The following MGAM2 variants were observed in gnomAD, a reference collection of about 807,000 sequenced individuals.
MGAM2 encodes maltase-glucoamylase 2 (putative), also known as probable maltase-glucoamylase 2.
A neutral mutation model predicts 96.1 loss-of-function variants in MGAM2; 98 were observed. The observed-to-expected ratio is 1.02, with a 90% confidence interval of 0.87 to 1.21. The LOEUF (loss-of-function observed/expected upper bound fraction) is 1.21. Among genes scored for constraint, MGAM2 ranks in the 50% most tolerant of loss-of-function variants. The probability of loss-of-function intolerance (pLI) is 0.00; values close to 1 mark genes in which losing one functional copy is unlikely to be tolerated. For synonymous variants in MGAM2, 749 were observed against 414.8 expected (o/e 1.81, Z -9.79); for missense variants, 2,055 against 1,182.4 (o/e 1.74, Z -10.82).
intron 37 of MGAM2, among the ~76,000 whole-genome samples, chr7:142,189,781 A>G (rs1170640937): frequency 1.3e-5 from 2 of 152,246 alleles, no homozygotes; most frequent in Non-Finnish European, 2.9e-5. Context: ...TCAGAACTCG[A>G]AAAGGAAAAC....
In MGAM2 at chr7:142,220,119, A is replaced by G. The variant is rs778394666; in HGVS notation, c.5608A>G (p.Ser1870Gly). The G allele has an allele frequency of 1.4e-5, 10 of 702,680 alleles. No homozygotes were observed. The highest frequency in any genetic ancestry group is 2.1e-5 in the Non-Finnish European group (8 of 384,924). The allele number at this position is 702,680 out of a possible 1,614,324, so 43.5% of individuals were successfully genotyped here. A position where few individuals can be genotyped will look rare whatever the true frequency, so the allele number is the denominator to read the frequency against. The change falls in exon 48 of 48, where the codon AGT (serine) becomes GGT (glycine). Residue 1870 changes from serine (S) to glycine (G), a missense_variant. Physicochemically the swap from Ser to Gly is moderately conservative, Grantham distance 56. Coordinates refer to ENST00000477922, the MANE Select transcript of MGAM2 (RefSeq NM_001293626.2). ...AACCACATCTTTCCCAAGTACTACT[A>G]GTGTTACAACTAATACTACTGTTCC... ...ITTTSFPSTT[S>G]VTTNTTVPDT...
intron 7 of MGAM2, among the ~76,000 whole-genome samples, chr7:142,134,882 C>G (rs11982374): frequency 0.29 from 44,417 of 151,680 alleles, 6,798 homozygotes; most frequent in East Asian, 0.4. Context: ...CCAAAAAAAC[C>G]TAAATTTTCA....
intron 47 of MGAM2, among the ~76,000 whole-genome samples, chr7:142,219,536 C>A (rs1029001181): frequency 6.6e-6 from 1 of 152,180 alleles, no homozygotes; most frequent in Non-Finnish European, 1.5e-5. Flanking sequence ...TGAAACTAAC[C>A]TGCTGTCAAG....
At chr7:142,131,796 C>T (rs1794896557) in intron 5 of MGAM2, 135 bp from the exon 6 acceptor site, 1 of 610,918 alleles carries the variant, frequency 1.6e-6, no homozygotes, top group African/African-American at 1.8e-5. Flanking sequence ...GGTGATTTCA[C>T]AAATCAGAAG....
At chr7:142,218,272 G>T (rs1191708667) in intron 46 of MGAM2, 89 bp from the exon 47 acceptor site, 1 of 480,998 alleles carries the variant, frequency 2.1e-6, no homozygotes, top group East Asian at 3.2e-5. Flanking sequence ...TATAACAAAA[G>T]TAAATTTAGG....
At chr7:142,216,683 CAAT>C (rs1797771274) in intron 46 of MGAM2, among the ~76,000 whole-genome samples, 1 of 152,152 alleles carries the variant, frequency 6.6e-6, no homozygotes, top group Non-Finnish European at 1.5e-5. Context: ...TCTCTCAAAT[CAAT>C]AAGAACTAGC....
chr7:142,218,222 C>A, intron 46 of MGAM2, 139 bp from the exon 47 acceptor site: 1 of 476,646 alleles, frequency 2.1e-6, no homozygotes, highest in East Asian at 3.1e-5. Flanking sequence ...TATTATGTAT[C>A]AATAAAAATT....
intron 31 of MGAM2, among the ~76,000 whole-genome samples, chr7:142,174,118 C>G (rs1360884445): frequency 6.6e-6 from 1 of 152,164 alleles, no homozygotes; most frequent in African/African-American, 2.4e-5. Flanking sequence ...CACCTGATGC[C>G]TCCAGCTTTG....
chr7:142,132,757 A>G (rs1291268063), intron 6 of MGAM2, among the ~76,000 whole-genome samples: 54 of 125,708 alleles, frequency 4.3e-4, no homozygotes, highest in Non-Finnish European at 3.4e-4. Flanking sequence ...TATAATATAT[A>G]ATATATAATT....
chr7:142,215,990 T>A (rs576844728), intron 46 of MGAM2, among the ~76,000 whole-genome samples: 1 of 152,294 alleles, frequency 6.6e-6, no homozygotes, highest in East Asian at 1.9e-4. Flanking sequence ...TCTTTTTAGC[T>A]AGAGTCTATA....
rs947608659 is a variant in MGAM2 at position 142,171,363 on chromosome 7, G to A, written c.3274G>A (p.Glu1092Lys). 5.7e-6 allele frequency: 4 copies of A among 703,052 alleles called. No homozygotes were observed. The highest frequency in any genetic ancestry group is 1.7e-5 in the African/African-American group (1 of 57,174). 43.6% of individuals were successfully genotyped at this position (703,052 alleles called of 1,614,324 possible). A position where few individuals can be genotyped will look rare whatever the true frequency, so the allele number is the denominator to read the frequency against. Residue 1092 changes from glutamate to lysine, a missense_variant, in exon 28 of 48, where the codon GAA (glutamate) becomes AAA (lysine). Glu to Lys is a moderately conservative substitution (Grantham distance 56, BLOSUM62 1). Transcript: ENST00000477922. ...GTCCCAGTACATCTATGGCTTTGGG[G>A]AAACTGAGCACACGACTTTCAGAAG... ...LPSQYIYGFG[E>K]TEHTTFRRNM...
Position 142,134,765 on chromosome 7 carries a change from G to A in MGAM2, c.747+613G>A, listed in dbSNP as rs545909902. ...GCCTCTCAGCTTATCTGGAGTGAAG[G>A]ACTAGTTTCTTAAAAAAAAAAAAAA... On this transcript the variant is annotated intron_variant, in intron 7 of 47. Coordinates refer to ENST00000477922, the MANE Select transcript of MGAM2 (RefSeq NM_001293626.2). Among the ~76,000 whole-genome samples the A allele has an allele frequency of 3.5e-5, 5 of 143,998 alleles. No homozygotes were observed. The Admixed American group carries it at 3.5e-4, about 10-fold the overall frequency. The allele number at this position is 143,998 out of a possible 152,430, so 94.5% of individuals were successfully genotyped here.
In MGAM2 at chr7:142,151,692, G is replaced by A. The variant is rs151252386; in HGVS notation, c.1635-2326G>A. On this transcript the variant is annotated intron_variant, in intron 15 of 47. Transcript: ENST00000477922. ...TACTTTTTTGCCCGTGACTCCATGT[G>A]GTAAAAGTGCTATAAATCAAGAATG... 7.6e-4 allele frequency among the ~76,000 whole-genome samples: 116 copies of A among 152,278 alleles called. 3 individuals carry two copies. In the East Asian group the frequency reaches 0.016, roughly 21 times the overall value.
Position 142,196,185 on chromosome 7 carries a change from G to C in MGAM2, c.4378G>C (p.Val1460Leu). 2 of 1,202,800 alleles carry C rather than the reference G, an allele frequency of 1.7e-6. No homozygotes were observed. Among genetic ancestry groups the C allele is most frequent in the Admixed American group, 1.9e-5 (1 of 51,440 alleles). The allele number at this position is 1,202,800 out of a possible 1,614,324, so 74.5% of individuals were successfully genotyped here. ...AVQEVTGQRGVIITRSTFPSS... is the reference protein window; with the variant it reads ...AVQEVTGQRGLIITRSTFPSS... ...GCAGGAGGTGACAGGACAGCGAGGG[G>C]TCATCATCACCCGCTCCACATTTCC... Residue 1460 changes from valine to leucine, a missense_variant, in exon 38 of 48, where the codon GTC becomes CTC. Coordinates refer to ENST00000477922, the MANE Select transcript of MGAM2 (RefSeq NM_001293626.2).
At chr7:142,160,080 C>G in intron 20 of MGAM2, 54 bp from the exon 21 acceptor site, 1 of 663,884 alleles carries the variant, frequency 1.5e-6, no homozygotes, top group Non-Finnish European at 2.7e-6. Flanking sequence ...TAAGGCCCCT[C>G]CTAGCTGAAA....
chr7:142,114,131 A>T (rs1444249885), intron 1 of MGAM2, among the ~76,000 whole-genome samples: 1 of 133,078 alleles, frequency 7.5e-6, no homozygotes, highest in Non-Finnish European at 1.5e-5. Context: ...ACTCCATCTC[A>T]AAAAAAGAAA....
rs191583770 is a variant in MGAM2, at chr7:142,134,142, C to A, written c.737C>A (p.Thr246Asn). ...TGGCCCATCTTCACCCGGGACGCTA[C>A]CCCCACCGAGGTGAGGTGGCTTTCC... ...KTWPIFTRDATPTEGMINLYG... is the reference protein window; with the variant it reads ...KTWPIFTRDANPTEGMINLYG... Residue 246 changes from threonine (T) to asparagine (N), a missense_variant, in exon 7 of 48, where the codon ACC (threonine) becomes AAC (asparagine). By Grantham distance (65) the Thr-to-Asn change is moderately conservative (BLOSUM62 0). Transcript: ENST00000477922. The A allele has an allele frequency of 1.8e-4, 131 of 745,988 alleles. No homozygotes were observed. Among genetic ancestry groups the A allele is most frequent in the African/African-American group, 1.6e-3 (97 of 58,874 alleles). The allele number at this position is 745,988 out of a possible 1,614,324, so 46.2% of individuals were successfully genotyped here. A position where few individuals can be genotyped will look rare whatever the true frequency, so the allele number is the denominator to read the frequency against.
intron 33 of MGAM2, among the ~76,000 whole-genome samples, chr7:142,183,989 T>C (rs1415026520): frequency 9.0e-6 from 1 of 110,736 alleles, no homozygotes; most frequent in Non-Finnish European, 1.7e-5. Flanking sequence ...TTTTTTTTTT[T>C]TGAGATGGAG....
intron 45 of MGAM2, among the ~76,000 whole-genome samples, chr7:142,206,032 G>A (rs547276533): frequency 8.5e-5 from 13 of 152,048 alleles, no homozygotes; most frequent in African/African-American, 3.1e-4. Flanking sequence ...AGAATCATCT[G>A]TGAAAAGTCT....
Sources: allele counts gnomAD v4.1 joint callset (sites outside exome capture counted in the v4.1 genomes callset), GRCh38; gene constraint gnomAD v4.1.1; transcripts MANE v1.5; gene names NCBI Gene and HGNC (gene_info 2026-07-23, HGNC 2026-07-21).